Variants in MAPK8IP3 observed in about 807,000 individuals in gnomAD.
The protein encoded by MAPK8IP3 is mitogen-activated protein kinase 8 interacting protein 3.
Under a neutral mutation model 157.8 loss-of-function variants are expected in MAPK8IP3, and 49 were observed. That is an observed-to-expected ratio of 0.31 (90% CI 0.25 to 0.39). The LOEUF (loss-of-function observed/expected upper bound fraction) is 0.39. Ranked by LOEUF, MAPK8IP3 falls within the 10% of genes least tolerant of loss-of-function variation. MAPK8IP3 has a pLI of 1.00. For missense variants in MAPK8IP3, 1,478 were observed against 1,889.4 expected (o/e 0.78, Z 4.04); for synonymous variants, 897 against 777.7 (o/e 1.15, Z -2.55).
At chr16:1,739,958 CCGTCCG>C in intron 4 of MAPK8IP3, among the ~76,000 whole-genome samples, 1 of 121,014 alleles carries the variant, frequency 8.3e-6, no homozygotes, top group African/African-American at 3.2e-5. Context: ...ATCCGTGTGA[CCGTCCG>C]TGTGAGCGTG....
At chr16:1,731,011 A>G (rs2039282444) in intron 4 of MAPK8IP3, among the ~76,000 whole-genome samples, 2 of 151,004 alleles carry the variant, frequency 1.3e-5, no homozygotes, top group South Asian at 4.2e-4. Flanking sequence ...GTGGTGGCAC[A>G]TGCCTGTAGT....
At chr16:1,716,627 G>A (rs777787548) in intron 1 of MAPK8IP3, among the ~76,000 whole-genome samples, 11 of 150,990 alleles carry the variant, frequency 7.3e-5, no homozygotes, top group Non-Finnish European at 1.6e-4. Context: ...GAAATTCACC[G>A]AAAATGCTGG....
chr16:1,706,630 G>A lies in MAPK8IP3; in HGVS notation c.291G>A (p.Glu97=). Residue 97 remains glutamate (E), a synonymous_variant, in exon 1 of 32, where the codon GAG becomes GAA. Transcript: ENST00000610761. The surrounding 1 kb of genome is among the most constrained non-coding windows in gnomAD (Gnocchi z 5.1). ...AGCTGCTCACCCAGTACGAGCGTGA[G>A]AAGGCGCTGCGCAGGCAGGCGGAGG... is the stretch of plus-strand genomic sequence containing the variant. ...NEQLLTQYER[E]KALRRQAEEK... The A allele has an allele frequency of 1.3e-6, 2 of 1,576,186 alleles. No homozygotes were observed. The highest frequency in any genetic ancestry group is 8.6e-7 in the Non-Finnish European group (1 of 1,161,686).
rs1165341652 is a variant in MAPK8IP3 at position 1,766,774 on chromosome 16, C to A, written c.2991C>A (p.Ile997=). The change falls in exon 24 of 32, where the codon ATC becomes ATA. Residue 997 remains isoleucine, a synonymous_variant. Coordinates refer to ENST00000610761, the MANE Select transcript of MAPK8IP3 (RefSeq NM_001318852.2). Reference sequence around the variant, plus strand: ...ACTGGAAGAAGTGCCTGCACTCCATCAAGCTGAAGGATTCTGTGCTGAGCC... The same window carrying A: ...ACTGGAAGAAGTGCCTGCACTCCATAAAGCTGAAGGATTCTGTGCTGAGCC... ...VANWKKCLHS[I]KLKDSVLSLV... is the part of the protein sequence containing the mutation. The A allele has an allele frequency of 1.9e-6, 3 of 1,612,870 alleles. No individual in the cohort carries two copies. The highest frequency in any genetic ancestry group is 2.5e-6 in the Non-Finnish European group (3 of 1,179,942).
At chr16:1,733,526 G>A (rs1314821940) in intron 4 of MAPK8IP3, among the ~76,000 whole-genome samples, 1 of 152,260 alleles carries the variant, frequency 6.6e-6, no homozygotes, top group Non-Finnish European at 1.5e-5. Context: ...ACTTCGTCCT[G>A]CATGTTTCTC....
At chr16:1,745,279 C>T (rs1290883781) in intron 5 of MAPK8IP3, 3 of 657,494 alleles carry the variant, frequency 4.6e-6, no homozygotes, top group South Asian at 6.7e-5. Flanking sequence ...CTGATGTGCA[C>T]AGCTACACCC....
intron 1 of MAPK8IP3, chr16:1,707,589 G>C (rs1014030874): frequency 1.3e-5 from 2 of 152,230 alleles, no homozygotes; most frequent in African/African-American, 4.8e-5. Context: ...CAGATACTGA[G>C]CTCGGCCTGC....
chr16:1,761,873 G>A (rs946840684), intron 13 of MAPK8IP3, among the ~76,000 whole-genome samples: 4 of 152,244 alleles, frequency 2.6e-5, no homozygotes, highest in Non-Finnish European at 4.4e-5. Flanking sequence ...CTCGGGGCAT[G>A]GGGATGCGGG....
intron 4 of MAPK8IP3, among the ~76,000 whole-genome samples, chr16:1,738,219 CGT>C (rs1380659374): frequency 2.6e-5 from 2 of 77,994 alleles, no homozygotes; most frequent in Non-Finnish European, 4.6e-5. Flanking sequence ...TGTGACCATC[CGT>C]GTGAGAGTGT....
intron 1 of MAPK8IP3, among the ~76,000 whole-genome samples, chr16:1,712,826 G>A (rs573409537): frequency 3.3e-5 from 5 of 152,146 alleles, no homozygotes; most frequent in South Asian, 4.2e-4. Flanking sequence ...GTCTGCCTCC[G>A]CAGTGCACCT....
At chr16:1,744,954 T>C in intron 5 of MAPK8IP3, 1 of 984,328 alleles carries the variant, frequency 1.0e-6, no homozygotes, top group Non-Finnish European at 1.2e-6. Flanking sequence ...GTTTTGTTTT[T>C]GTTTTTATGT....
chr16:1,768,782 C>T lies in MAPK8IP3; in HGVS notation c.3972C>T (p.Arg1324=), dbSNP rs77586034. 2,232 of 1,612,720 alleles carry T rather than the reference C, an allele frequency of 1.4e-3. 52 individuals carry two copies. In the East Asian group the frequency reaches 0.04, roughly 29 times the overall value. The change falls in exon 32 of 32, where the codon CGC becomes CGT. Residue 1324 remains arginine, a synonymous_variant. Transcript: ENST00000610761. ...AGCCCGTGCTGTCCAAGGCAGAGCG[C>T]AGTCACATCATCGTGTGGCAGGTGT... ...QVKPVLSKAE[R]SHIIVWQVSY...
chr16:1,749,956 T>A (rs2041195557), intron 8 of MAPK8IP3, among the ~76,000 whole-genome samples: 1 of 152,138 alleles, frequency 6.6e-6, no homozygotes, highest in South Asian at 2.1e-4. Flanking sequence ...TTAACCGAGT[T>A]GAAGTGTTCA....
Position 1,765,024 on chromosome 16 carries a change from C to A in MAPK8IP3, c.2292C>A (p.Leu764=). 1 of 1,608,144 alleles carries A rather than the reference C, an allele frequency of 6.2e-7. No individual in the cohort carries two copies. The highest frequency in any genetic ancestry group is 2.2e-5 in the East Asian group (1 of 44,670). Residue 764 remains leucine, a synonymous_variant, in exon 20 of 32, where the codon CTC becomes CTA. Transcript: ENST00000610761. The part of the protein sequence containing the change: ...TSPEKKKAKE[L]PEMDATSSRV... ...GTGCCCTGAAACAGGCCAAGGAGCT[C>A]CCTGAAATGGACGCCACCTCCAGCC...
At chr16:1,738,130 G>GCA in intron 4 of MAPK8IP3, among the ~76,000 whole-genome samples, 1 of 91,620 alleles carries the variant, frequency 1.1e-5, no homozygotes, top group Non-Finnish European at 2.1e-5. Context: ...GAGCGTGACT[G>GCA]TCCGTGTGTG....
At chr16:1,726,561 C>T (rs1289259136) in intron 2 of MAPK8IP3, among the ~76,000 whole-genome samples, 1 of 152,118 alleles carries the variant, frequency 6.6e-6, no homozygotes, top group African/African-American at 2.4e-5. Flanking sequence ...CTTGTGGGCC[C>T]AGCTACTCGG....
In MAPK8IP3 at chr16:1,706,278, G is replaced by A; in HGVS notation, c.-62G>A. ...GCTGCGGCCTGCGGAACCTGAGGCA[G>A]CTGGGGAGGGCCGGGCGCGCCGGCC... On this transcript the variant is annotated 5_prime_UTR_variant, in exon 1 of 32. Coordinates refer to ENST00000610761, the MANE Select transcript of MAPK8IP3 (RefSeq NM_001318852.2). This position sits in a 1 kb window ranked among gnomAD's most constrained non-coding sequence, Gnocchi z 5.1. 9 of 1,444,232 alleles carry A rather than the reference G, an allele frequency of 6.2e-6. No homozygotes were observed. The highest frequency in any genetic ancestry group is 8.2e-6 in the Non-Finnish European group (9 of 1,094,324). The allele number at this position is 1,444,232 out of a possible 1,614,324, so 89.5% of individuals were successfully genotyped here.
chr16:1,756,413 G>T (rs1003359556), intron 8 of MAPK8IP3, among the ~76,000 whole-genome samples: 2 of 152,116 alleles, frequency 1.3e-5, no homozygotes, highest in African/African-American at 4.8e-5. Flanking sequence ...GGCTGATGGG[G>T]AGGATTGCTT....
chr16:1,751,056 T>C lies in MAPK8IP3; in HGVS notation c.1216+2336T>C, dbSNP rs1364792490. ...TGTCAGGTCGCAGCTGCCCTTCTCATTGTGGGCGGTGTCATTTCCGTGGGT... is the reference window on the plus strand; with the variant it reads ...TGTCAGGTCGCAGCTGCCCTTCTCACTGTGGGCGGTGTCATTTCCGTGGGT... On this transcript the variant is annotated intron_variant, in intron 8 of 31. Coordinates refer to ENST00000610761, the MANE Select transcript of MAPK8IP3 (RefSeq NM_001318852.2). The surrounding 1 kb of genome is among the most constrained non-coding windows in gnomAD (Gnocchi z 5.0). Among the ~76,000 whole-genome samples the C allele has an allele frequency of 1.3e-5, 2 of 152,168 alleles. No individual in the cohort carries two copies. The highest frequency in any genetic ancestry group is 2.9e-5 in the Non-Finnish European group (2 of 68,020).
Sources: allele counts gnomAD v4.1 joint callset (sites outside exome capture counted in the v4.1 genomes callset), GRCh38; gene constraint gnomAD v4.1.1; non-coding constraint Gnocchi (gnomAD v3.1); transcripts MANE v1.5; gene names NCBI Gene and HGNC (gene_info 2026-07-23, HGNC 2026-07-21).